PARD3: variants seen among roughly 807,000 people sequenced by gnomAD.
The protein encoded by PARD3 is partitioning defective 3 homolog.
Under a neutral mutation model 155.4 loss-of-function variants are expected in PARD3, and 75 were observed. That is an observed-to-expected ratio of 0.48 (90% confidence interval 0.40 to 0.58). The LOEUF (loss-of-function observed/expected upper bound fraction) is 0.58, where lower values mean the gene tolerates loss of function less well. Ranked by LOEUF, PARD3 falls within the 20% of genes least tolerant of loss-of-function variation. The pLI is 0.00. For synonymous variants in PARD3, 576 were observed against 610.5 expected, an observed-to-expected ratio of 0.94 and a Z score of 0.83; for missense variants, 1,642 against 1,721.7, an observed-to-expected ratio of 0.95 and a Z score of 0.82.
intron 20 of PARD3, among the ~76,000 whole-genome samples, chr10:34,304,728 G>A (rs1180757164): frequency 6.6e-6 from 1 of 152,186 alleles, no homozygotes; most frequent in Non-Finnish European, 1.5e-5. Context: ...TCATAAAACA[G>A]GGCTAAAATT....
intron 1 of PARD3, among the ~76,000 whole-genome samples, chr10:34,806,501 A>AT (rs1843406303): frequency 6.6e-6 from 1 of 151,640 alleles, no homozygotes; most frequent in African/African-American, 2.4e-5. Flanking sequence ...TGCCTGGCTA[A>AT]TTTTTTTAAA....
intron 22 of PARD3, among the ~76,000 whole-genome samples, chr10:34,251,636 C>T (rs1954313092): frequency 6.6e-6 from 1 of 152,138 alleles, no homozygotes; most frequent in South Asian, 2.1e-4. Context: ...GTATCAAATC[C>T]TCTTTTGCTC....
In PARD3 at chr10:34,754,590, C is replaced by T. The variant is rs186435286; in HGVS notation, c.121-58171G>A. Among the ~76,000 whole-genome samples the T allele has an allele frequency of 7.0e-4, 106 of 152,266 alleles. 1 individual carries two copies. The highest frequency in any genetic ancestry group is 2.5e-3 in the African/African-American group (103 of 41,566). ...TGCAACAAATCTCTCCTTTTCATAT[C>T]ATAGATACAATTGTTAAAAGCCACT... is the stretch of plus-strand genomic sequence containing the variant. On this transcript the variant is annotated intron_variant, in intron 1 of 24. Coordinates refer to ENST00000374788, the MANE Select transcript of PARD3 (RefSeq NM_001184785.2).
chr10:34,426,957 T>C (rs951471273), intron 5 of PARD3, among the ~76,000 whole-genome samples: 3 of 152,246 alleles, frequency 2.0e-5, no homozygotes, highest in Non-Finnish European at 4.4e-5. Flanking sequence ...ATTGTGAAGA[T>C]TTCATGGACA....
At chr10:34,483,506 G>GAAAA (rs11459278) in intron 3 of PARD3, among the ~76,000 whole-genome samples, 3 of 142,332 alleles carry the variant, frequency 2.1e-5, no homozygotes, top group South Asian at 2.2e-4. Context: ...AAAAGAGAGA[G>GAAAA]AAAAAAAAAC....
chr10:34,515,226 C>T (rs2081639666), intron 3 of PARD3, among the ~76,000 whole-genome samples: 1 of 152,212 alleles, frequency 6.6e-6, no homozygotes, highest in African/African-American at 2.4e-5. Flanking sequence ...CATGCCTCAC[C>T]TTTTGAAAAA....
chr10:34,462,899 A>G (rs560321131), intron 4 of PARD3, among the ~76,000 whole-genome samples: 3 of 109,358 alleles, frequency 2.7e-5, no homozygotes, highest in East Asian at 3.3e-4. Context: ...AAGGGAGGAG[A>G]AAGGGGGAGA....
intron 2 of PARD3, among the ~76,000 whole-genome samples, chr10:34,681,282 T>G (rs1449905900): frequency 1.3e-5 from 2 of 152,142 alleles, no homozygotes; most frequent in African/African-American, 4.8e-5. Flanking sequence ...TTTAAAAGTA[T>G]TGTTCTGCCA....
intron 5 of PARD3, among the ~76,000 whole-genome samples, chr10:34,446,802 G>A (rs2076762249): frequency 6.6e-6 from 1 of 151,950 alleles, no homozygotes; most frequent in Non-Finnish European, 1.5e-5. Context: ...CCTTTTTGCT[G>A]TTTCATATTT....
At chr10:34,709,607 G>C (rs779726989) in intron 1 of PARD3, among the ~76,000 whole-genome samples, 1 of 151,870 alleles carries the variant, frequency 6.6e-6, no homozygotes, top group Non-Finnish European at 1.5e-5. Context: ...GACTACCCCT[G>C]GGCTGAGGGG....
At chr10:34,734,646 G>A (rs1315002803) in intron 1 of PARD3, among the ~76,000 whole-genome samples, 1 of 152,148 alleles carries the variant, frequency 6.6e-6, no homozygotes, top group Non-Finnish European at 1.5e-5. Context: ...CACATGCTGT[G>A]TTGAAACAAC....
chr10:34,203,911 G>A (rs1951337899), intron 22 of PARD3, among the ~76,000 whole-genome samples: 1 of 152,178 alleles, frequency 6.6e-6, no homozygotes, highest in Non-Finnish European at 1.5e-5. Context: ...GGGAAGTTTG[G>A]GAGATATCTA....
At chr10:34,568,755 T>C (rs2086156121) in intron 2 of PARD3, among the ~76,000 whole-genome samples, 1 of 152,180 alleles carries the variant, frequency 6.6e-6, no homozygotes, top group East Asian at 1.9e-4. Flanking sequence ...GCTGTTTGAC[T>C]TCAGGGCAAA....
Position 34,548,160 on chromosome 10 carries a change from G to A in PARD3, c.223-31001C>T, listed in dbSNP as rs16935513. On this transcript the variant is annotated intron_variant, in intron 2 of 24. Transcript: ENST00000374788. ...AGGCTCTTTCTCTCTTCATTTGTCC[G>A]TCTCATTTCCTACAGAAGTTTCTCC... Among the ~76,000 whole-genome samples the A allele has an allele frequency of 8.8e-3, 1,333 of 152,180 alleles. 12 individuals carry two copies. Among genetic ancestry groups the A allele is most frequent in the African/African-American group, 0.025 (1,044 of 41,502 alleles).
At chr10:34,184,167 C>G (rs187771130) in intron 22 of PARD3, among the ~76,000 whole-genome samples, 139 of 152,296 alleles carry the variant, frequency 9.1e-4, no homozygotes, top group African/African-American at 2.9e-3. Context: ...GACCTTCACA[C>G]TGAGGTTTCC....
chr10:34,437,248 T>C (rs1256736920), intron 5 of PARD3, among the ~76,000 whole-genome samples: 1 of 152,086 alleles, frequency 6.6e-6, no homozygotes, highest in African/African-American at 2.4e-5. Context: ...CAAAAAATCC[T>C]CTATAGCCTG....
chr10:34,558,356 T>C (rs1427012776), intron 2 of PARD3, among the ~76,000 whole-genome samples: 1 of 152,206 alleles, frequency 6.6e-6, no homozygotes, highest in Non-Finnish European at 1.5e-5. Context: ...TATGGGATTA[T>C]AAGCAAGAAT....
intron 22 of PARD3, among the ~76,000 whole-genome samples, chr10:34,196,404 T>C (rs1950935323): frequency 6.6e-6 from 1 of 152,190 alleles, no homozygotes; most frequent in African/African-American, 2.4e-5. Context: ...TATATTGCAC[T>C]GGTTCTTATG....
chr10:34,462,540 G>A (rs2077715822), intron 4 of PARD3, among the ~76,000 whole-genome samples: 2 of 152,124 alleles, frequency 1.3e-5, no homozygotes. Flanking sequence ...ATGAGGAGAA[G>A]CAGAAATCAA....
Sources: gnomAD v4.1 joint callset for allele counts (sites outside exome capture counted in the v4.1 genomes callset) on GRCh38, gnomAD v4.1.1 for gene constraint, MANE v1.5 for transcripts, NCBI Gene and HGNC (gene_info 2026-07-23, HGNC 2026-07-21) for gene names.